Variants in NFIA observed in about 807,000 individuals in gnomAD.
NFIA encodes nuclear factor I A.
NFIA carries 8 observed loss-of-function variants against 62.8 expected under a neutral mutation model. The observed-to-expected ratio is 0.13, with a 90% CI of 0.07 to 0.23. NFIA has a LOEUF of 0.23. Among genes scored for constraint, NFIA ranks in the 10% least tolerant of loss-of-function variants. The probability of loss-of-function intolerance (pLI) is 1.00; values close to 1 mark genes in which losing one functional copy is unlikely to be tolerated. For missense variants in NFIA, 410 were observed against 642.1 expected (o/e 0.64, Z 3.91); for synonymous variants, 235 against 238.1 (o/e 0.99, Z 0.12).
intron 5 of NFIA, 21 bp from the exon 6 acceptor site, chr1:61,359,126 T>A (rs371324210): frequency 6.2e-7 from 1 of 1,612,276 alleles, no homozygotes; most frequent in Non-Finnish European, 8.5e-7. Flanking sequence ...CTTTTAAACA[T>A]GCACCCATTT....
At chr1:61,225,968 A>C (rs983287521) in intron 2 of NFIA, among the ~76,000 whole-genome samples, 1 of 152,256 alleles carries the variant, frequency 6.6e-6, no homozygotes, top group Non-Finnish European at 1.5e-5. Flanking sequence ...TATCATAAGT[A>C]AAACAGGATT....
intron 10 of NFIA, among the ~76,000 whole-genome samples, chr1:61,454,992 C>T (rs569634615): frequency 4.6e-5 from 7 of 152,260 alleles, no homozygotes; most frequent in Admixed American, 4.6e-4. Flanking sequence ...AGTTTCCTGC[C>T]CTCCTATAAC....
Position 61,102,530 on chromosome 1 carries a change from T to A in NFIA, c.559+13850T>A, listed in dbSNP as rs1299984371. Among the ~76,000 whole-genome samples the A allele has an allele frequency of 3.3e-5, 5 of 152,328 alleles. No homozygotes were observed. The East Asian group carries it at 7.7e-4, about 23-fold the overall frequency. On this transcript the variant is annotated intron_variant, in intron 2 of 10. Transcript: ENST00000403491. Reference sequence around the variant, plus strand: ...TTCCCTATCTTATTTTTTGGTAATCTTGAATAGCATTTTAAAAGTTTTAGC... The same window carrying A: ...TTCCCTATCTTATTTTTTGGTAATCATGAATAGCATTTTAAAAGTTTTAGC...
upstream of NFIA, chr1:61,082,081 G>C (rs772928338): frequency 1.3e-6 from 2 of 1,531,140 alleles, no homozygotes; most frequent in South Asian, 2.4e-5. Flanking sequence ...GTGGGGGGAT[G>C]GGGACGAGGA....
intron 2 of NFIA, among the ~76,000 whole-genome samples, chr1:61,246,792 G>C (rs1468257450): frequency 6.6e-6 from 1 of 152,014 alleles, no homozygotes; most frequent in Non-Finnish European, 1.5e-5. Context: ...TCACCTGCTG[G>C]GCTCCTGATG....
At chr1:61,234,567 C>G (rs917382021) in intron 2 of NFIA, among the ~76,000 whole-genome samples, 1 of 152,088 alleles carries the variant, frequency 6.6e-6, no homozygotes, top group Non-Finnish European at 1.5e-5. Flanking sequence ...CTTACTAATC[C>G]CTTCATAAAT....
At chr1:61,327,689 C>T (rs748872629) in intron 3 of NFIA, among the ~76,000 whole-genome samples, 36 of 152,116 alleles carry the variant, frequency 2.4e-4, no homozygotes, top group Non-Finnish European at 3.8e-4. Context: ...GTTGGTTCCA[C>T]ATCTTTGCAA....
intron 6 of NFIA, among the ~76,000 whole-genome samples, chr1:61,370,525 T>C (rs1406810695): frequency 6.6e-6 from 1 of 152,182 alleles, no homozygotes; most frequent in African/African-American, 2.4e-5. Context: ...GCAAAGCTCA[T>C]TAAATATTAA....
At chr1:61,130,265 A>G (rs1647050948) in intron 2 of NFIA, among the ~76,000 whole-genome samples, 1 of 152,138 alleles carries the variant, frequency 6.6e-6, no homozygotes, top group Admixed American at 6.5e-5. Context: ...TCAGACTGTT[A>G]GTGAAATCAG....
At chr1:61,098,601 A>G (rs777405597) in intron 2 of NFIA, among the ~76,000 whole-genome samples, 38 of 152,226 alleles carry the variant, frequency 2.5e-4, no homozygotes, top group Non-Finnish European at 5.3e-4. Flanking sequence ...TCAGGGAAAG[A>G]TAGTCATTGC....
chr1:61,333,092 TAC>T (rs1661397518), intron 4 of NFIA, among the ~76,000 whole-genome samples: 1 of 141,702 alleles, frequency 7.1e-6, no homozygotes, highest in African/African-American at 2.6e-5. Context: ...CACACACACA[TAC>T]ACAGTTGCCT....
chr1:61,090,061 G>C (rs1271209715), intron 2 of NFIA, among the ~76,000 whole-genome samples: 1 of 152,118 alleles, frequency 6.6e-6, no homozygotes, highest in African/African-American at 2.4e-5. Flanking sequence ...TGGGTAGCAA[G>C]AATGAAAAGT....
chr1:61,235,303 A>C (rs2100637603), intron 2 of NFIA, among the ~76,000 whole-genome samples: 1 of 152,050 alleles, frequency 6.6e-6, no homozygotes, highest in African/African-American at 2.4e-5. Context: ...TCTACTAAAA[A>C]TACAAAAAAA....
At position 61,200,237 on chromosome 1, in the gene NFIA, G is replaced by A. The variant is rs529556743; in HGVS notation, c.560-77283G>A. On this transcript the variant is annotated intron_variant, in intron 2 of 10. Coordinates refer to ENST00000403491, the MANE Select transcript of NFIA (RefSeq NM_001134673.4). ...AGATCTCAGCTCCCCTTTGACTAGC[G>A]TCATGATCTTGTGCAAATCACTTGA... is the stretch of plus-strand genomic sequence containing the variant. Among the ~76,000 whole-genome samples the A allele has an allele frequency of 9.3e-5, 14 of 151,186 alleles. No individual in the cohort carries two copies. In the East Asian group the frequency reaches 1.6e-3, roughly 17 times the overall value.
intron 2 of NFIA, among the ~76,000 whole-genome samples, chr1:61,232,390 A>T (rs1654733403): frequency 1.3e-5 from 2 of 152,350 alleles, no homozygotes. Context: ...TATGTAAAGC[A>T]TAGTATAGCA....
intron 2 of NFIA, among the ~76,000 whole-genome samples, chr1:61,166,055 T>C (rs1649543680): frequency 6.6e-6 from 1 of 152,182 alleles, no homozygotes; most frequent in Non-Finnish European, 1.5e-5. Context: ...CCAAATAATC[T>C]AGTTAGGATT....
intron 10 of NFIA, among the ~76,000 whole-genome samples, chr1:61,442,082 C>G (rs990248534): frequency 6.6e-6 from 1 of 152,112 alleles, no homozygotes; most frequent in African/African-American, 2.4e-5. Context: ...ACTATCCCCT[C>G]GCACCCCTTC....
intron 4 of NFIA, among the ~76,000 whole-genome samples, chr1:61,336,962 A>C (rs1042046622): frequency 2.0e-5 from 3 of 152,214 alleles, no homozygotes; most frequent in African/African-American, 7.2e-5. Context: ...ACAAATATTT[A>C]CTTACACTAG....
At chr1:61,078,593 T>C (rs1344134695), upstream of NFIA, among the ~76,000 whole-genome samples, 1 of 152,236 alleles carries the variant, frequency 6.6e-6, no homozygotes, top group Non-Finnish European at 1.5e-5. Flanking sequence ...GGTAAACCTC[T>C]CTTCTTGAAC....
Sources: allele counts gnomAD v4.1 joint callset (sites outside exome capture counted in the v4.1 genomes callset), GRCh38; gene constraint gnomAD v4.1.1; transcripts MANE v1.5; gene names NCBI Gene and HGNC (gene_info 2026-07-23, HGNC 2026-07-21).